The following FAM193A variants were observed in gnomAD, a reference collection of about 807,000 sequenced individuals.
FAM193A encodes protein FAM193A.
A neutral mutation model predicts 126.5 loss-of-function variants in FAM193A; 22 were observed. The ratio of observed to expected loss-of-function variants is 0.17; its 90% CI spans 0.12 to 0.25. FAM193A has a LOEUF of 0.25. FAM193A is among the 10% of genes least tolerant of loss of function. The pLI is 1.00. For missense variants in FAM193A, 1,675 were observed against 1,672.8 expected (o/e 1.00, Z -0.02); for synonymous variants, 761 against 646.8 (o/e 1.18, Z -2.68).
intron 19 of FAM193A, among the ~76,000 whole-genome samples, chr4:2,714,111 A>G (rs1719290002): frequency 6.6e-6 from 1 of 152,116 alleles, no homozygotes; most frequent in Non-Finnish European, 1.5e-5. Context: ...CTTTTCTTCT[A>G]GAACTTCTTG....
intron 2 of FAM193A, among the ~76,000 whole-genome samples, chr4:2,604,880 C>G (rs780367378): frequency 2.0e-5 from 3 of 148,440 alleles, no homozygotes; most frequent in Non-Finnish European, 4.4e-5. Context: ...TCACTGCAGC[C>G]TCGACCTCCT....
At chr4:2,621,147 T>C (rs1371860083) in intron 2 of FAM193A, among the ~76,000 whole-genome samples, 1 of 151,924 alleles carries the variant, frequency 6.6e-6, no homozygotes, top group Non-Finnish European at 1.5e-5. Context: ...AAGAGCAAGA[T>C]GAGAAAAGCA....
rs1178143359 is a variant in FAM193A, at chr4:2,700,330, G to A, written c.4158G>A (p.Gln1386=). The A allele has an allele frequency of 1.2e-6, 2 of 1,613,996 alleles. No homozygotes were observed. The highest frequency in any genetic ancestry group is 1.1e-5 in the South Asian group (1 of 91,068). The part of the protein sequence containing the change: ...KVVDLMSITE[Q]KREERKVNSN... ...TCGACCTCATGTCCATCACAGAGCA[G>A]AAAAGAGAGGAGAGAAAAGTCAACA... The change falls in exon 19 of 21, where the codon CAG becomes CAA. Residue 1386 remains glutamine (Q), a synonymous_variant. Transcript: ENST00000637812.
intron 18 of FAM193A, 92 bp from the exon 19 acceptor site, chr4:2,699,588 T>TG: frequency 7.9e-7 from 1 of 1,259,310 alleles, no homozygotes; most frequent in Non-Finnish European, 1.1e-6. Flanking sequence ...GTTCCATATG[T>TG]GATTCGTTTT....
chr4:2,589,813 C>T (rs992488821), intron 1 of FAM193A, among the ~76,000 whole-genome samples: 1 of 152,160 alleles, frequency 6.6e-6, no homozygotes, highest in African/African-American at 2.4e-5. Context: ...TAACAGTGTT[C>T]CCTGGACTTG....
At chr4:2,595,848 G>A (rs151093952) in intron 1 of FAM193A, among the ~76,000 whole-genome samples, 4 of 152,172 alleles carry the variant, frequency 2.6e-5, no homozygotes, top group African/African-American at 9.6e-5. Flanking sequence ...CAAGGTGAAG[G>A]GGTTAATTTT....
chr4:2,628,050 C>A (rs1481268738), intron 4 of FAM193A, among the ~76,000 whole-genome samples: 1 of 151,948 alleles, frequency 6.6e-6, no homozygotes, highest in African/African-American at 2.4e-5. Flanking sequence ...CTGCGCCCAG[C>A]TAATTTTTGT....
rs1278295067 is a variant in FAM193A at position 2,683,140 on chromosome 4, CT to C, written c.2332-6363del. The stretch of plus-strand genomic sequence containing the variant: ...GGTTGGTGGTTTTTTTCTTTGAACA[CT>C]TTAGAACTGTTTAACTTCCCTCTGT... On this transcript the variant is annotated intron_variant, in intron 13 of 20. Coordinates refer to ENST00000637812, the MANE Select transcript of FAM193A (RefSeq NM_001366318.2). Among the ~76,000 whole-genome samples, 7 of 152,250 alleles carry C rather than the reference CT, an allele frequency of 4.6e-5. No individual in the cohort carries two copies. The East Asian group carries it at 1.3e-3, about 29-fold the overall frequency.
chr4:2,590,475 ACAAAAAAAAAC>A (rs1288565797), intron 1 of FAM193A, among the ~76,000 whole-genome samples: 4 of 81,506 alleles, frequency 4.9e-5, no homozygotes, highest in African/African-American at 2.5e-4. Context: ...AAAAAAAAAA[ACAAAAAAAAAC>A]AAAAAAAAAC....
chr4:2,631,314 C>T, intron 5 of FAM193A, 145 bp downstream of exon 5: 1 of 676,548 alleles, frequency 1.5e-6, no homozygotes, highest in Non-Finnish European at 2.4e-6. Flanking sequence ...CGGGAGAGGA[C>T]CTGTTTCCTC....
At chr4:2,551,375 T>A (rs1560436650) in intron 1 of FAM193A, among the ~76,000 whole-genome samples, 3 of 152,222 alleles carry the variant, frequency 2.0e-5, no homozygotes, top group African/African-American at 7.2e-5. Context: ...TTGAGTGTCA[T>A]GTCAGTGCTG....
chr4:2,592,186 G>A (rs1386059898), intron 1 of FAM193A, among the ~76,000 whole-genome samples: 1 of 152,052 alleles, frequency 6.6e-6, no homozygotes, highest in Non-Finnish European at 1.5e-5. Flanking sequence ...CCGCCTCATG[G>A]GTTCAAGTGA....
intron 20 of FAM193A, among the ~76,000 whole-genome samples, chr4:2,724,816 A>G (rs971285495): frequency 3.9e-5 from 6 of 152,210 alleles, no homozygotes; most frequent in African/African-American, 1.4e-4. Flanking sequence ...GAAAGTGCAT[A>G]TCGTTATCAA....
intron 1 of FAM193A, among the ~76,000 whole-genome samples, chr4:2,557,344 T>C (rs755897344): frequency 6.6e-5 from 10 of 152,174 alleles, no homozygotes; most frequent in Non-Finnish European, 1.3e-4. Flanking sequence ...AGTTTGTGCA[T>C]TCTCTTCAGC....
At chr4:2,586,587 T>C (rs1740253659) in intron 1 of FAM193A, among the ~76,000 whole-genome samples, 1 of 152,192 alleles carries the variant, frequency 6.6e-6, no homozygotes, top group Non-Finnish European at 1.5e-5. Context: ...TATCATACCT[T>C]GATTCTATAT....
chr4:2,586,962 T>G lies in FAM193A; in HGVS notation c.256-9122T>G, dbSNP rs1740274415. Among the ~76,000 whole-genome samples, 3 of 152,194 alleles carry G rather than the reference T, an allele frequency of 2.0e-5. No homozygotes were observed. In the South Asian group the frequency reaches 6.2e-4, roughly 31 times the overall value. ...GCTGCCATGCTCAGCCTAGTATAGCTTTTTAATAAGCCTTAATAGGCGTTC... is the reference window on the plus strand; with the variant it reads ...GCTGCCATGCTCAGCCTAGTATAGCGTTTTAATAAGCCTTAATAGGCGTTC... On this transcript the variant is annotated intron_variant, in intron 1 of 20. Transcript: ENST00000637812.
At chr4:2,718,013 C>T (rs756353288) in intron 20 of FAM193A, among the ~76,000 whole-genome samples, 2 of 152,076 alleles carry the variant, frequency 1.3e-5, no homozygotes, top group Non-Finnish European at 2.9e-5. Flanking sequence ...CATATGAAAA[C>T]CTGCGGGATA....
Position 2,659,794 on chromosome 4 carries a change from T to A in FAM193A, c.1503-18T>A, listed in dbSNP as rs1712185003. ...TGTGCATTGGTTGGCTTGGTAACTG[T>A]CCTTAATTCCTGATCAGATGTGCTT... On this transcript the variant is annotated intron_variant, in intron 9 of 20. Coordinates refer to ENST00000637812, the MANE Select transcript of FAM193A (RefSeq NM_001366318.2). 6.2e-7 allele frequency: 1 copy of A among 1,614,054 alleles called. No individual in the cohort carries two copies. Among genetic ancestry groups the A allele is most frequent in the Non-Finnish European group, 8.5e-7 (1 of 1,180,006 alleles).
rs34305537 is a variant in FAM193A at position 2,620,836 on chromosome 4, C to CAAAAA, written c.502-4408_502-4404dup. Among the ~76,000 whole-genome samples the CAAAAA allele has an allele frequency of 7.5e-4, 52 of 69,088 alleles. 1 individual carries two copies. The highest frequency in any genetic ancestry group is 1.6e-3 in the African/African-American group (27 of 16,494). The allele number at this position is 69,088 out of a possible 152,430, so 45.3% of individuals were successfully genotyped here. On this transcript the variant is annotated intron_variant, in intron 2 of 20. Transcript: ENST00000637812. ...GGGCAAGAAGACTGCAACTCCGTCTCAAAAAAAAAAAAAAAAAAAAAAGTA... is the reference window on the plus strand; with the variant it reads ...GGGCAAGAAGACTGCAACTCCGTCTCAAAAAAAAAAAAAAAAAAAAAAAAAAAGTA...
Sources: gnomAD v4.1 joint callset for allele counts (sites outside exome capture counted in the v4.1 genomes callset) on GRCh38, gnomAD v4.1.1 for gene constraint, MANE v1.5 for transcripts, NCBI Gene and HGNC (gene_info 2026-07-23, HGNC 2026-07-21) for gene names.